The following STARD9 variants were observed in gnomAD, a reference collection of about 807,000 sequenced individuals.
STARD9 encodes the protein stAR-related lipid transfer protein 9.
STARD9 carries 346 observed loss-of-function variants against 399.8 expected under a neutral mutation model. The observed-to-expected ratio is 0.87, with a 90% CI of 0.79 to 0.95. The LOEUF is 0.95. Among genes scored for constraint, STARD9 ranks in the 40% least tolerant of loss-of-function variants. The pLI, the probability that STARD9 is intolerant of heterozygous loss-of-function variation, is 0.00. For missense variants in STARD9, 5,832 were observed against 5,667.5 expected (o/e 1.03, Z -0.93); for synonymous variants, 2,203 against 2,143.5 (o/e 1.03, Z -0.77).
chr15:42,708,477 C>G (rs962420532), intron 26 of STARD9, among the ~76,000 whole-genome samples: 2 of 152,216 alleles, frequency 1.3e-5, no homozygotes, highest in Non-Finnish European at 2.9e-5. Flanking sequence ...TATTCAGTAT[C>G]TAGCTCCCCA....
At chr15:42,585,066 A>G (rs1263441465) in intron 2 of STARD9, among the ~76,000 whole-genome samples, 1 of 152,240 alleles carries the variant, frequency 6.6e-6, no homozygotes, top group Non-Finnish European at 1.5e-5. Context: ...TATAAAGTGT[A>G]TATGAAACAT....
At position 42,575,660 on chromosome 15, in the gene STARD9, G is replaced by A. The variant is rs922921525; in HGVS notation, c.-56G>A. On this transcript the variant is annotated 5_prime_UTR_variant, in exon 1 of 33. Coordinates refer to ENST00000290607, the MANE Select transcript of STARD9 (RefSeq NM_020759.3). ...TGGGGCTGTGTCTGGGCTTAGGGCG[G>A]GGGCCTGGGATGCTGCCGCTGAGCT... 7.2e-6 allele frequency: 11 copies of A among 1,526,774 alleles called. No homozygotes were observed. In the Admixed American group the frequency reaches 2.0e-4, roughly 27 times the overall value. 94.6% of individuals were successfully genotyped at this position (1,526,774 alleles called of 1,614,324 possible).
rs1348744074 is a variant in STARD9, at chr15:42,691,278, C to G, written c.9700C>G (p.Pro3234Ala). 1.3e-6 allele frequency: 2 copies of G among 1,537,252 alleles called. No homozygotes were observed. The highest frequency in any genetic ancestry group is 1.7e-6 in the Non-Finnish European group (2 of 1,146,896). ...EGFAQGVNPL[P>A]DEDGLDGCQI... ...CTTCGCCCAGGGTGTGAATCCCCTT[C>G]CTGATGAAGATGGCTTAGATGGCTG... Residue 3234 changes from proline to alanine, a missense_variant, in exon 23 of 33, where the codon CCT becomes GCT. This residue lies in a region of STARD9 where 5,828 missense variants were observed against 5,651.1 expected (regional missense o/e 1.03). Coordinates refer to ENST00000290607, the MANE Select transcript of STARD9 (RefSeq NM_020759.3).
intron 8 of STARD9, among the ~76,000 whole-genome samples, chr15:42,652,219 T>C (rs1243662518): frequency 6.6e-6 from 1 of 152,188 alleles, no homozygotes; most frequent in Non-Finnish European, 1.5e-5. Flanking sequence ...TCCAGGATGA[T>C]GACGCTCTAG....
Position 42,692,996 on chromosome 15 carries a change from C to G in STARD9, c.11418C>G (p.Pro3806=), listed in dbSNP as rs1268160130. The change falls in exon 23 of 33, where the codon CCC becomes CCG. Residue 3806 remains proline, a synonymous_variant. Transcript: ENST00000290607. ...TCTATCTTCAGGAAGAAAGCACTCC[C>G]TACAAGCCCCAGAGCCCTTCAATAC... ...QLLYLQEEST[P]YKPQSPSIPS... The G allele has an allele frequency of 1.3e-6, 2 of 1,537,072 alleles. No individual in the cohort carries two copies. The highest frequency in any genetic ancestry group is 4.9e-5 in the East Asian group (2 of 40,920).
At chr15:42,587,953 A>G (rs2058310901) in intron 3 of STARD9, among the ~76,000 whole-genome samples, 1 of 152,190 alleles carries the variant, frequency 6.6e-6, no homozygotes, top group African/African-American at 2.4e-5. Context: ...TCCTCCAAGA[A>G]GAACCAGCAA....
chr15:42,594,430 G>T (rs2058465010), intron 3 of STARD9, among the ~76,000 whole-genome samples: 2 of 152,326 alleles, frequency 1.3e-5, no homozygotes, highest in Middle Eastern at 3.4e-3. Context: ...GGATAAAAGA[G>T]ATTTCAGTTA....
intron 3 of STARD9, among the ~76,000 whole-genome samples, chr15:42,631,812 A>T (rs1442170743): frequency 2.0e-5 from 3 of 151,860 alleles, no homozygotes. Flanking sequence ...CCCACCTTTC[A>T]GGAAGATTTT....
At position 42,575,613 on chromosome 15, in the gene STARD9, C is replaced by A; in HGVS notation, c.-103C>A. On this transcript the variant is annotated 5_prime_UTR_variant, in exon 1 of 33. Coordinates refer to ENST00000290607, the MANE Select transcript of STARD9 (RefSeq NM_020759.3). ...CCGCGCGGCGGCGTCCCCAGAGGCG[C>A]GTGGGGCGGGCGGGGCTGGGTTGGG... 7.7e-7 allele frequency: 1 copy of A among 1,296,440 alleles called. No homozygotes were observed. The highest frequency in any genetic ancestry group is 1.1e-6 in the Non-Finnish European group (1 of 948,858). The allele number at this position is 1,296,440 out of a possible 1,614,324, so 80.3% of individuals were successfully genotyped here.
chr15:42,647,780 T>C (rs1441896850), intron 7 of STARD9, among the ~76,000 whole-genome samples: 2 of 152,230 alleles, frequency 1.3e-5, no homozygotes, highest in African/African-American at 4.8e-5. Flanking sequence ...GTGTTTTCTC[T>C]TTACTTTTCC....
rs1339417932 is a variant in STARD9, at chr15:42,692,773, T to G, written c.11195T>G (p.Val3732Gly). The G allele has an allele frequency of 1.3e-6, 2 of 1,537,134 alleles. No homozygotes were observed. The highest frequency in any genetic ancestry group is 1.7e-6 in the Non-Finnish European group (2 of 1,146,898). The stretch of plus-strand genomic sequence containing the variant: ...ATGGATGGCTCTACTCAGACCACTG[T>G]GGATGAGGGCAGCCAGACTGACCTC... ...LMMDGSTQTT[V>G]DEGSQTDLTL... The change falls in exon 23 of 33, where the codon GTG (valine) becomes GGG (glycine). Residue 3732 changes from valine (V) to glycine (G), a missense_variant. Physicochemically the swap from Val to Gly is moderately radical, Grantham distance 109 (BLOSUM62 -3). Transcript: ENST00000290607.
At chr15:42,599,925 T>C (rs2058588783) in intron 3 of STARD9, among the ~76,000 whole-genome samples, 2 of 152,196 alleles carry the variant, frequency 1.3e-5, no homozygotes, top group Non-Finnish European at 2.9e-5. Flanking sequence ...GAGTAAGTAC[T>C]TAAGGAATCC....
chr15:42,709,230 T>TAC (rs562680697), intron 26 of STARD9, among the ~76,000 whole-genome samples: 353 of 151,892 alleles, frequency 2.3e-3, no homozygotes, highest in African/African-American at 3.8e-3. Context: ...ACGCCATCTC[T>TAC]ACACACACAC....
At chr15:42,581,300 GC>G in intron 1 of STARD9, 1 of 1,182,138 alleles carries the variant, frequency 8.5e-7, no homozygotes, top group Non-Finnish European at 1.3e-6. Context: ...TGGAAGAACT[GC>G]GAAGATCCAA....
At chr15:42,633,918 A>C (rs996136574) in intron 3 of STARD9, among the ~76,000 whole-genome samples, 4 of 152,104 alleles carry the variant, frequency 2.6e-5, no homozygotes, top group South Asian at 2.1e-4. Flanking sequence ...TGTTGGAATT[A>C]CAGGCCTGAG....
At chr15:42,666,063 C>T (rs779528384) in intron 15 of STARD9, among the ~76,000 whole-genome samples, 4 of 152,138 alleles carry the variant, frequency 2.6e-5, no homozygotes, top group South Asian at 2.1e-4. Context: ...CTCAGGGATT[C>T]GTAAGTCCTT....
intron 3 of STARD9, among the ~76,000 whole-genome samples, chr15:42,630,593 T>C (rs1247011443): frequency 6.6e-6 from 1 of 152,180 alleles, no homozygotes; most frequent in Non-Finnish European, 1.5e-5. Context: ...AGATTTTTAT[T>C]ACAGCTTCAT....
chr15:42,663,241 A>T, intron 11 of STARD9, 40 bp from the exon 12 acceptor site: 1 of 1,479,676 alleles, frequency 6.8e-7, no homozygotes, highest in Non-Finnish European at 9.1e-7. Flanking sequence ...TTTGCTTCAT[A>T]ATTCCTTCTT....
chr15:42,716,604 T>C lies in STARD9; in HGVS notation c.13285-73T>C. 4 of 940,910 alleles carry C rather than the reference T, an allele frequency of 4.3e-6. No homozygotes were observed. The South Asian group carries it at 5.7e-5, about 13-fold the overall frequency. The allele number at this position is 940,910 out of a possible 1,614,324, so 58.3% of individuals were successfully genotyped here. A position where few individuals can be genotyped will look rare whatever the true frequency, so the allele number is the denominator to read the frequency against. On this transcript the variant is annotated intron_variant, in intron 26 of 32. Coordinates refer to ENST00000290607, the MANE Select transcript of STARD9 (RefSeq NM_020759.3). ...AGTCATCCCACTGGAAGCTGTGAGA[T>C]GCAGTTCAGAGGCAGAGGAGATAAT... is the stretch of plus-strand genomic sequence containing the variant.
Sources: gnomAD v4.1 joint callset for allele counts (sites outside exome capture counted in the v4.1 genomes callset) on GRCh38, gnomAD v4.1.1 for gene constraint, gnomAD v4.1.1 regional missense constraint, MANE v1.5 for transcripts, NCBI Gene and HGNC (gene_info 2026-07-23, HGNC 2026-07-21) for gene names.